ADAMTS17: variants seen among roughly 807,000 people sequenced by gnomAD.
ADAMTS17 encodes the protein A disintegrin and metalloproteinase with thrombospondin motifs 17.
ADAMTS17 carries 113 observed loss-of-function variants against 141.5 expected under a neutral mutation model. The observed-to-expected ratio is 0.80, with a 90% CI of 0.69 to 0.93. ADAMTS17 has a LOEUF of 0.93. Ranked by LOEUF, ADAMTS17 falls within the 40% of genes least tolerant of loss-of-function variation. The pLI, the probability that ADAMTS17 is intolerant of heterozygous loss-of-function variation, is 0.00. For missense variants in ADAMTS17, 1,659 were observed against 1,517.9 expected (o/e 1.09, Z -1.54); for synonymous variants, 768 against 630.6 (o/e 1.22, Z -3.27).
chr15:100,049,906 T>C (rs2032009765), intron 17 of ADAMTS17, among the ~76,000 whole-genome samples: 1 of 152,206 alleles, frequency 6.6e-6, no homozygotes, highest in Non-Finnish European at 1.5e-5. Context: ...ATGGTGTCCA[T>C]AGAACAGAAC....
chr15:100,225,492 G>C (rs2042267734), intron 7 of ADAMTS17, among the ~76,000 whole-genome samples: 1 of 151,002 alleles, frequency 6.6e-6, no homozygotes. Context: ...CACGGTCTCT[G>C]TGCCATTCAG....
chr15:100,159,128 C>T (rs1057282011), intron 8 of ADAMTS17, among the ~76,000 whole-genome samples: 11 of 152,124 alleles, frequency 7.2e-5, no homozygotes, highest in East Asian at 1.9e-4. Flanking sequence ...AAAATATTTA[C>T]GCAAAAAAAT....
chr15:100,144,711 A>T (rs904304520), intron 10 of ADAMTS17, among the ~76,000 whole-genome samples: 3 of 152,056 alleles, frequency 2.0e-5, no homozygotes, highest in Non-Finnish European at 4.4e-5. Flanking sequence ...TGGTTCACCA[A>T]TTCTTTGAAA....
intron 6 of ADAMTS17, among the ~76,000 whole-genome samples, chr15:100,258,565 C>T (rs939954592): frequency 1.3e-5 from 2 of 152,146 alleles, no homozygotes; most frequent in African/African-American, 4.8e-5. Flanking sequence ...GGGAAGAGAG[C>T]TTGTGCAGGG....
rs566672920 is a variant in ADAMTS17, at chr15:100,108,006, C to T, written c.2016+983G>A. Reference sequence around the variant, plus strand: ...CCCACTCCCCATCCCAGCTGCTGCGCCACCTCAGGAGGTGCTCGTTCTGAG... The same window carrying T: ...CCCACTCCCCATCCCAGCTGCTGCGTCACCTCAGGAGGTGCTCGTTCTGAG... On this transcript the variant is annotated intron_variant, in intron 14 of 21. Coordinates refer to ENST00000268070, the MANE Select transcript of ADAMTS17 (RefSeq NM_139057.4). Among the ~76,000 whole-genome samples, 157 of 152,240 alleles carry T rather than the reference C, an allele frequency of 1.0e-3. 2 individuals carry two copies. In the South Asian group the frequency reaches 0.017, roughly 16 times the overall value.
chr15:100,285,660 A>T (rs186338606), intron 3 of ADAMTS17, among the ~76,000 whole-genome samples: 19 of 152,224 alleles, frequency 1.2e-4, no homozygotes, highest in African/African-American at 4.3e-4. Context: ...CTCCTGCCAC[A>T]GACTTCTGAA....
Position 99,993,466 on chromosome 15 carries a change from G to T in ADAMTS17, c.2797-266C>A, listed in dbSNP as rs1332874178. 1.3e-5 allele frequency among the ~76,000 whole-genome samples: 2 copies of T among 152,202 alleles called. No homozygotes were observed. The highest frequency in any genetic ancestry group is 4.8e-5 in the African/African-American group (2 of 41,452). ...GGGTACTCATAAGGTCACATGAGGGGAGTGGAATTCAGTGGCCACTTGTCG... is the reference window on the plus strand; with the variant it reads ...GGGTACTCATAAGGTCACATGAGGGTAGTGGAATTCAGTGGCCACTTGTCG... On this transcript the variant is annotated intron_variant, in intron 19 of 21. Transcript: ENST00000268070. The surrounding 1 kb of genome is among the most constrained non-coding windows in gnomAD (Gnocchi z 4.3).
intron 7 of ADAMTS17, among the ~76,000 whole-genome samples, chr15:100,229,866 A>T (rs997400092): frequency 4.6e-5 from 7 of 152,246 alleles, no homozygotes; most frequent in Admixed American, 1.3e-4. Flanking sequence ...ACACAGAGCC[A>T]AGATGAAAGG....
intron 4 of ADAMTS17, among the ~76,000 whole-genome samples, chr15:100,265,153 C>T (rs968247201): frequency 2.0e-5 from 3 of 152,126 alleles, no homozygotes; most frequent in African/African-American, 4.8e-5. Context: ...CTGCCAGGTG[C>T]CGACCACAGG....
chr15:100,027,291 C>T (rs751642870), intron 18 of ADAMTS17, among the ~76,000 whole-genome samples: 14 of 150,148 alleles, frequency 9.3e-5, no homozygotes, highest in Non-Finnish European at 1.8e-4. Context: ...TTTTCTATTG[C>T]TTTTAGTTGC....
rs147617446 is a variant in ADAMTS17, at chr15:100,300,046, C to T, written c.617-18645G>A. On this transcript the variant is annotated intron_variant, in intron 3 of 21. Coordinates refer to ENST00000268070, the MANE Select transcript of ADAMTS17 (RefSeq NM_139057.4). ...AAATTAAGAAAAGAATAAAGCAATC[C>T]TTCAGTCCTCTTTTCAGAGGATTAG... Among the ~76,000 whole-genome samples, 61 of 152,250 alleles carry T rather than the reference C, an allele frequency of 4.0e-4. 1 individual carries two copies. The highest frequency in any genetic ancestry group is 3.4e-3 in the Middle Eastern group (1 of 292).
intron 8 of ADAMTS17, among the ~76,000 whole-genome samples, chr15:100,157,322 T>A (rs941115904): frequency 2.0e-5 from 3 of 152,210 alleles, no homozygotes; most frequent in Admixed American, 2.0e-4. Flanking sequence ...GCTTTCCCTC[T>A]CCATTACAAA....
Position 100,262,645 on chromosome 15 carries a change from G to A in ADAMTS17, c.790-210C>T, listed in dbSNP as rs1008938460. Among the ~76,000 whole-genome samples, 6 of 151,938 alleles carry A rather than the reference G, an allele frequency of 3.9e-5. No individual in the cohort carries two copies. The East Asian group carries it at 1.2e-3, about 29-fold the overall frequency. On this transcript the variant is annotated intron_variant, in intron 4 of 21. Coordinates refer to ENST00000268070, the MANE Select transcript of ADAMTS17 (RefSeq NM_139057.4). Reference sequence around the variant, plus strand: ...CATTCTAATATGAGAGGCTCATGATGGGGAAACTATGTATGGCAGCTCTCT... The same window carrying A: ...CATTCTAATATGAGAGGCTCATGATAGGGAAACTATGTATGGCAGCTCTCT...
intron 7 of ADAMTS17, among the ~76,000 whole-genome samples, chr15:100,245,297 G>A (rs1210064448): frequency 1.3e-5 from 2 of 148,420 alleles, no homozygotes; most frequent in Admixed American, 1.3e-4. Flanking sequence ...CCTCAAGGAA[G>A]GACACTCTTA....
intron 3 of ADAMTS17, among the ~76,000 whole-genome samples, chr15:100,286,346 G>A (rs995421656): frequency 2.0e-5 from 3 of 152,258 alleles, no homozygotes; most frequent in South Asian, 2.1e-4. Context: ...ACATGCCACC[G>A]TGGCTGCTGG....
At chr15:100,230,124 T>G (rs1276296865) in intron 7 of ADAMTS17, among the ~76,000 whole-genome samples, 1 of 152,242 alleles carries the variant, frequency 6.6e-6, no homozygotes, top group Non-Finnish European at 1.5e-5. Flanking sequence ...AGGGGCATAT[T>G]AACTGAGAAG....
rs114617835 is a variant in ADAMTS17, at chr15:100,269,973, T to C, written c.790-7538A>G. ...ACCAATACAAGAAGGGCCAAATGCA[T>C]TGCTCTAGGGTTTACAAGACTCCTT... On this transcript the variant is annotated intron_variant, in intron 4 of 21. Transcript: ENST00000268070. 9.9e-4 allele frequency among the ~76,000 whole-genome samples: 151 copies of C among 152,314 alleles called. 2 individuals are homozygous for C. The highest frequency in any genetic ancestry group is 3.5e-3 in the African/African-American group (144 of 41,578).
At chr15:100,037,903 G>C (rs778677557) in intron 18 of ADAMTS17, among the ~76,000 whole-genome samples, 12 of 151,732 alleles carry the variant, frequency 7.9e-5, no homozygotes, top group Non-Finnish European at 1.6e-4. Flanking sequence ...CACCCAAGTA[G>C]CTGGGACTAC....
rs1025160725 is a variant in ADAMTS17, at chr15:100,315,668, G to T, written c.616+15221C>A. On this transcript the variant is annotated intron_variant, in intron 3 of 21. Coordinates refer to ENST00000268070, the MANE Select transcript of ADAMTS17 (RefSeq NM_139057.4). Reference sequence around the variant, plus strand: ...CTAGGCAACACAATGAGACCCCTGCGTCCACAAAAAATTTTAAAAAAAATT... The same window carrying T: ...CTAGGCAACACAATGAGACCCCTGCTTCCACAAAAAATTTTAAAAAAAATT... Among the ~76,000 whole-genome samples the T allele has an allele frequency of 4.0e-5, 6 of 151,802 alleles. No individual in the cohort carries two copies. The East Asian group carries it at 1.2e-3, about 29-fold the overall frequency.
Sources: allele counts gnomAD v4.1 joint callset (sites outside exome capture counted in the v4.1 genomes callset), GRCh38; gene constraint gnomAD v4.1.1; non-coding constraint Gnocchi (gnomAD v3.1); transcripts MANE v1.5; gene names NCBI Gene and HGNC (gene_info 2026-07-23, HGNC 2026-07-21).